Variants in SPP1 observed in about 807,000 individuals in gnomAD.
The protein encoded by SPP1 is secreted phosphoprotein 1.
SPP1 carries 18 observed loss-of-function variants against 20.8 expected under a neutral mutation model. That is an observed-to-expected ratio of 0.87 (90% CI 0.60 to 1.29). The LOEUF is 1.29. SPP1 is among the 50% of genes most tolerant of loss of function. The pLI, the probability that SPP1 is intolerant of heterozygous loss-of-function variation, is 0.00. For synonymous variants in SPP1, 146 were observed against 141.5 expected (o/e 1.03, Z -0.23); for missense variants, 363 against 389.0 (o/e 0.93, Z 0.56).
At chr4:87,980,695 G>A (rs1725605936) in intron 5 of SPP1, 1 of 482,992 alleles carries the variant, frequency 2.1e-6, no homozygotes, top group East Asian at 3.6e-5. Context: ...AAGGTATTTT[G>A]TAGATATCTA....
intron 4 of SPP1, 28 bp downstream of exon 4, chr4:87,980,154 TAC>T: frequency 6.2e-7 from 1 of 1,611,740 alleles, no homozygotes; most frequent in Non-Finnish European, 8.5e-7. Flanking sequence ...ATAATTAAAC[TAC>T]AGTGATGAAA....
In SPP1 at chr4:87,982,911, C is replaced by A. The variant is rs1017045121; in HGVS notation, c.*15C>A. 1.9e-6 allele frequency: 3 copies of A among 1,566,194 alleles called. No homozygotes were observed. Among genetic ancestry groups the A allele is most frequent in the African/African-American group, 2.8e-5 (2 of 72,644 alleles). ...AGGTCAATTAAAAGGAGAAAAAATACAATTTCTCACTTTGCATTTAGTCAA... is the reference window on the plus strand; with the variant it reads ...AGGTCAATTAAAAGGAGAAAAAATAAAATTTCTCACTTTGCATTTAGTCAA... On this transcript the variant is annotated 3_prime_UTR_variant, in exon 7 of 7. Coordinates refer to ENST00000395080, the MANE Select transcript of SPP1 (RefSeq NM_001040058.2).
chr4:87,982,488 T>A lies in SPP1; in HGVS notation c.541-4T>A. On this transcript the variant is annotated splice_region_variant and splice_polypyrimidine_tract_variant and intron_variant, in intron 6 of 6. Transcript: ENST00000395080. ...AATTATTCTTCATTTGTGCCGTGAT[T>A]CAGTACCCTGATGCTACAGACGAGG... is the stretch of plus-strand genomic sequence containing the variant. The A allele has an allele frequency of 6.2e-7, 1 of 1,611,470 alleles. No homozygotes were observed.
At chr4:87,977,357 TAA>T (rs576130577) in intron 3 of SPP1, among the ~76,000 whole-genome samples, 39 of 152,340 alleles carry the variant, frequency 2.6e-4, no homozygotes, top group South Asian at 6.2e-4. Flanking sequence ...GCATGTAAGA[TAA>T]GTTATATGAA....
At chr4:87,982,321 T>C (rs182050125) in intron 6 of SPP1, among the ~76,000 whole-genome samples, 171 bp from the exon 7 acceptor site, 50 of 152,280 alleles carry the variant, frequency 3.3e-4, no homozygotes, top group Middle Eastern at 3.4e-3. Context: ...AGATGACATA[T>C]GTGAAAGGCC....
chr4:87,977,870 G>A (rs1194309003), intron 3 of SPP1: 1 of 1,188,996 alleles, frequency 8.4e-7, no homozygotes, highest in African/African-American at 1.6e-5. Flanking sequence ...GTTCGTTTGT[G>A]TGTGGAGGGG....
At position 87,982,662 on chromosome 4, in the gene SPP1, C is replaced by T. The variant is rs764425716; in HGVS notation, c.711C>T (p.Thr237=). The change falls in exon 7 of 7, where the codon ACC becomes ACT. Residue 237 remains threonine, a synonymous_variant. Coordinates refer to ENST00000395080, the MANE Select transcript of SPP1 (RefSeq NM_001040058.2). The part of the protein sequence containing the change: ...TSQLDDQSAE[T]HSHKQSRLYK... Reference sequence around the variant, plus strand: ...AGCTGGATGACCAGAGTGCTGAAACCCACAGCCACAAGCAGTCCAGATTAT... The same window carrying T: ...AGCTGGATGACCAGAGTGCTGAAACTCACAGCCACAAGCAGTCCAGATTAT... 3.1e-6 allele frequency: 5 copies of T among 1,614,008 alleles called. No individual in the cohort carries two copies.
At chr4:87,980,531 T>C (rs1725598513) in intron 5 of SPP1, 97 bp downstream of exon 5, 5 of 1,354,444 alleles carry the variant, frequency 3.7e-6, no homozygotes, top group Non-Finnish European at 4.1e-6. Flanking sequence ...ATTAGCAAGT[T>C]TTCCAGCTAA....
rs191752708 is a variant in SPP1, at chr4:87,981,347, G to T, written c.217-128G>T. Reference sequence around the variant, plus strand: ...CTCACTTTAGCTCCTAAAAGCCATGGTATGTACTGTGAATGCAAAGATTCT... The same window carrying T: ...CTCACTTTAGCTCCTAAAAGCCATGTTATGTACTGTGAATGCAAAGATTCT... On this transcript the variant is annotated intron_variant, in intron 5 of 6. Transcript: ENST00000395080. 24 of 797,836 alleles carry T rather than the reference G, an allele frequency of 3.0e-5. No individual in the cohort carries two copies. In the African/African-American group the frequency reaches 3.8e-4, roughly 13 times the overall value. 49.4% of individuals were successfully genotyped at this position (797,836 alleles called of 1,614,324 possible).
At chr4:87,979,787 A>G (rs1476934716) in intron 3 of SPP1, among the ~76,000 whole-genome samples, 1 of 152,180 alleles carries the variant, frequency 6.6e-6, no homozygotes, top group African/African-American at 2.4e-5. Context: ...TGGGAATAAT[A>G]ATGATACCTA....
chr4:87,978,209 A>T (rs936806728), intron 3 of SPP1, among the ~76,000 whole-genome samples: 2 of 152,108 alleles, frequency 1.3e-5, no homozygotes, highest in Non-Finnish European at 2.9e-5. Flanking sequence ...GGTGGTTTTT[A>T]GTCTATTCAT....
intron 4 of SPP1, 115 bp downstream of exon 4, chr4:87,980,241 T>G: frequency 6.8e-7 from 1 of 1,463,264 alleles, no homozygotes; most frequent in East Asian, 2.3e-5. Context: ...GCTTAGGACA[T>G]TGACTGATCT....
chr4:87,980,420 G>GT lies in SPP1; in HGVS notation c.202_203insT (p.Asp68ValfsTer3). On this transcript the variant is annotated frameshift_variant, in exon 5 of 7. Transcript: ENST00000395080. LOFTEE classifies it high-confidence loss of function. ...TGCTGTGTCCTCTGAAGAAACCAATGACTTTAAACAAGAGGTAAGTTCTCA... is the reference window on the plus strand; with the variant it reads ...TGCTGTGTCCTCTGAAGAAACCAATGTACTTTAAACAAGAGGTAAGTTCTCA... 1 of 1,614,112 alleles carries GT rather than the reference G, an allele frequency of 6.2e-7. No homozygotes were observed. Among genetic ancestry groups the GT allele is most frequent in the Non-Finnish European group, 8.5e-7 (1 of 1,180,000 alleles).
At chr4:87,976,790 A>T (rs556438422) in intron 1 of SPP1, 92 bp from the exon 2 acceptor site, 1 of 782,108 alleles carries the variant, frequency 1.3e-6, no homozygotes, top group East Asian at 2.7e-5. Context: ...AATATATTTT[A>T]TTTGTGATCA....
At chr4:87,980,899 G>C (rs894640357) in intron 5 of SPP1, among the ~76,000 whole-genome samples, 8 of 152,124 alleles carry the variant, frequency 5.3e-5, no homozygotes, top group African/African-American at 1.7e-4. Flanking sequence ...AAGCAAGTTA[G>C]ATAAATTACC....
In SPP1 at chr4:87,981,714, A is replaced by T; in HGVS notation, c.456A>T (p.Thr152=). The T allele has an allele frequency of 6.2e-7, 1 of 1,614,218 alleles. No homozygotes were observed. The highest frequency in any genetic ancestry group is 8.5e-7 in the Non-Finnish European group (1 of 1,180,046). The change falls in exon 6 of 7, where the codon ACA becomes ACT. Residue 152 remains threonine (T), a synonymous_variant. Transcript: ENST00000395080. ...AAGTTTTCACTCCAGTTGTCCCCAC[A>T]GTAGACACATATGATGGCCGAGGTG... ...ATEVFTPVVP[T]VDTYDGRGDS...
Position 87,980,046 on chromosome 4 carries a change from C to A in SPP1, c.94C>A (p.Leu32Ile), listed in dbSNP as rs1262415377. ...ADSGSSEEKQ[L>I]YNKYPDAVAT... ...TGATAAACATGCAACTTTTTTGTAG[C>A]TTTACAACAAATACCCAGATGCTGT... is the stretch of plus-strand genomic sequence containing the variant. Residue 32 changes from leucine to isoleucine, a missense_variant and splice_region_variant, in exon 4 of 7, where the codon CTT becomes ATT. By Grantham distance (5) the Leu-to-Ile change is conservative. Coordinates refer to ENST00000395080, the MANE Select transcript of SPP1 (RefSeq NM_001040058.2). 3.7e-6 allele frequency: 6 copies of A among 1,613,300 alleles called. No individual in the cohort carries two copies. The highest frequency in any genetic ancestry group is 5.1e-6 in the Non-Finnish European group (6 of 1,179,790).
chr4:87,977,862 T>C (rs1725446765), intron 3 of SPP1: 3 of 1,236,788 alleles, frequency 2.4e-6, no homozygotes, highest in Non-Finnish European at 3.1e-6. Context: ...TATTCTGTGT[T>C]CGTTTGTGTG....
Position 87,980,431 on chromosome 4 carries a change from A to C in SPP1, c.213A>C (p.Gln71His). 1 of 1,614,070 alleles carries C rather than the reference A, an allele frequency of 6.2e-7. No individual in the cohort carries two copies. The highest frequency in any genetic ancestry group is 8.5e-7 in the Non-Finnish European group (1 of 1,179,964). Reference protein sequence around the residue: ...VSSEETNDFKQETLPSKSNES... With the variant: ...VSSEETNDFKHETLPSKSNES... ...CTGAAGAAACCAATGACTTTAAACA[A>C]GAGGTAAGTTCTCATTTTCAATCAG... is the stretch of plus-strand genomic sequence containing the variant. Residue 71 changes from glutamine (Q) to histidine (H), a missense_variant, in exon 5 of 7, where the codon CAA (glutamine) becomes CAC (histidine). Physicochemically the swap from Gln to His is conservative, Grantham distance 24. Transcript: ENST00000395080.
Sources: allele counts gnomAD v4.1 joint callset (sites outside exome capture counted in the v4.1 genomes callset), GRCh38; gene constraint gnomAD v4.1.1; transcripts MANE v1.5; gene names NCBI Gene and HGNC (gene_info 2026-07-23, HGNC 2026-07-21).